ADAMTS17: variants seen among roughly 807,000 people sequenced by gnomAD.
ADAMTS17 encodes A disintegrin and metalloproteinase with thrombospondin motifs 17.
In ADAMTS17, 113 loss-of-function variants were observed where a neutral mutation model predicts 141.5. The ratio of observed to expected loss-of-function variants is 0.80; its 90% CI spans 0.69 to 0.93. The LOEUF (loss-of-function observed/expected upper bound fraction) is 0.93. Ranked by LOEUF, ADAMTS17 falls within the 40% of genes least tolerant of loss-of-function variation. ADAMTS17 has a pLI of 0.00. For missense variants in ADAMTS17, 1,659 were observed against 1,517.9 expected (o/e 1.09, Z -1.54); for synonymous variants, 768 against 630.6 (o/e 1.22, Z -3.27).
intron 10 of ADAMTS17, among the ~76,000 whole-genome samples, chr15:100,134,971 C>A (rs1190509062): frequency 6.6e-6 from 1 of 152,204 alleles, no homozygotes; most frequent in African/African-American, 2.4e-5. Flanking sequence ...TCCATGCACT[C>A]TGACCTGCGA....
At chr15:100,207,617 T>TCCTTGGTAGAGA in intron 7 of ADAMTS17, among the ~76,000 whole-genome samples, 1 of 152,318 alleles carries the variant, frequency 6.6e-6, no homozygotes, top group Non-Finnish European at 1.5e-5. Flanking sequence ...CAGGTTGAAC[T>TCCTTGGTAGAGA]AGTTACAAAA....
intron 11 of ADAMTS17, among the ~76,000 whole-genome samples, chr15:100,132,462 CTTTG>C (rs1252792151): frequency 2.6e-5 from 4 of 152,186 alleles, no homozygotes; most frequent in East Asian, 1.9e-4. Flanking sequence ...CTTCTGCAAA[CTTTG>C]TTTGACGTGA....
intron 15 of ADAMTS17, among the ~76,000 whole-genome samples, chr15:100,074,914 T>C (rs2219928): frequency 0.37 from 56,501 of 152,082 alleles, 13,028 homozygotes; most frequent in Non-Finnish European, 0.5. Context: ...TATTCTCTAT[T>C]ATTTTACATA....
At chr15:100,214,459 G>A (rs2041908260) in intron 7 of ADAMTS17, among the ~76,000 whole-genome samples, 1 of 152,086 alleles carries the variant, frequency 6.6e-6, no homozygotes, top group South Asian at 2.1e-4. Context: ...TCTTGCTGTA[G>A]TCCTTTGTAA....
rs545841342 is a variant in ADAMTS17, at chr15:99,995,666, G to A, written c.2796+1719C>T. Among the ~76,000 whole-genome samples, 382 of 152,294 alleles carry A rather than the reference G, an allele frequency of 2.5e-3. 2 individuals are homozygous for A. The highest frequency in any genetic ancestry group is 8.7e-3 in the African/African-American group (361 of 41,570). ...CAGCTGGTTGGATAAAAGCGACCAC[G>A]TCAATAAAAACTCTCCCTTAAGAAA... On this transcript the variant is annotated intron_variant, in intron 19 of 21. Transcript: ENST00000268070.
intron 7 of ADAMTS17, among the ~76,000 whole-genome samples, chr15:100,216,829 G>T (rs953760036): frequency 6.6e-6 from 1 of 152,182 alleles, no homozygotes; most frequent in Non-Finnish European, 1.5e-5. Context: ...TGAGATAGGT[G>T]AATTCATAAT....
chr15:100,238,668 T>C (rs1369205662), intron 7 of ADAMTS17, among the ~76,000 whole-genome samples: 2 of 152,214 alleles, frequency 1.3e-5, no homozygotes, highest in Non-Finnish European at 2.9e-5. Context: ...TGCTGTGAGA[T>C]AGTTTGATCC....
At position 99,993,228 on chromosome 15, in the gene ADAMTS17, C is replaced by A. The variant is rs200548352; in HGVS notation, c.2797-28G>T. On this transcript the variant is annotated intron_variant, in intron 19 of 21. Transcript: ENST00000268070. This position sits in a 1 kb window ranked among gnomAD's most constrained non-coding sequence, Gnocchi z 4.3. ...GCAAGACACCATTCAAATATTTAAC[C>A]GAGTTCCAATTCGATTCAAGTCCAT... 2 of 1,613,840 alleles carry A rather than the reference C, an allele frequency of 1.2e-6. No homozygotes were observed. The highest frequency in any genetic ancestry group is 1.7e-5 in the Admixed American group (1 of 60,010).
rs1373396093 is a variant in ADAMTS17, at chr15:100,187,810, C to T, written c.1181+11508G>A. ...AGGAAAAGCACAGTCGCTCACATCT[C>T]GGCTTCTGCCCCCAAACTGAAAATA... On this transcript the variant is annotated intron_variant, in intron 8 of 21. Transcript: ENST00000268070. 3.9e-5 allele frequency among the ~76,000 whole-genome samples: 6 copies of T among 152,276 alleles called. No homozygotes were observed. In the South Asian group the frequency reaches 1.2e-3, roughly 32 times the overall value.
rs544311782 is a variant in ADAMTS17 at position 100,182,555 on chromosome 15, T to G, written c.1181+16763A>C. Among the ~76,000 whole-genome samples the G allele has an allele frequency of 7.2e-5, 11 of 152,300 alleles. No individual in the cohort carries two copies. In the East Asian group the frequency reaches 1.7e-3, roughly 24 times the overall value. On this transcript the variant is annotated intron_variant, in intron 8 of 21. Transcript: ENST00000268070. ...GCTGTTGAAGGGTGGGGGAAGAGGT[T>G]GCACTGGCAATTCAAGACTGTCTTT...
intron 18 of ADAMTS17, among the ~76,000 whole-genome samples, chr15:100,044,799 T>C (rs980725290): frequency 7.0e-6 from 1 of 143,822 alleles, no homozygotes; most frequent in African/African-American, 2.8e-5. Flanking sequence ...ACTGGATATA[T>C]AATTTGGATT....
chr15:100,187,535 G>A (rs555591428), intron 8 of ADAMTS17, among the ~76,000 whole-genome samples: 55 of 152,284 alleles, frequency 3.6e-4, no homozygotes, highest in Non-Finnish European at 6.8e-4. Flanking sequence ...TCTGGTTCCT[G>A]GACTTTATGG....
At chr15:100,185,680 C>T (rs936736934) in intron 8 of ADAMTS17, among the ~76,000 whole-genome samples, 13 of 152,208 alleles carry the variant, frequency 8.5e-5, no homozygotes, top group Non-Finnish European at 1.3e-4. Flanking sequence ...GCTCTGCTGT[C>T]GGGGGCTGCG....
At position 100,071,933 on chromosome 15, in the gene ADAMTS17, G is replaced by C. The variant is rs931313617; in HGVS notation, c.2138-17879C>G. 1.6e-4 allele frequency among the ~76,000 whole-genome samples: 24 copies of C among 150,042 alleles called. 1 individual carries two copies. Among genetic ancestry groups the C allele is most frequent in the Admixed American group, 1.0e-3 (15 of 15,006 alleles). ...CAGTCAGGCAGGAGAAGGAAATAAA[G>C]GGTATTCAATTAGGAAAAGAGGAAG... On this transcript the variant is annotated intron_variant, in intron 15 of 21. Coordinates refer to ENST00000268070, the MANE Select transcript of ADAMTS17 (RefSeq NM_139057.4).
chr15:100,160,822 T>A (rs2039657019), intron 8 of ADAMTS17, among the ~76,000 whole-genome samples: 1 of 152,210 alleles, frequency 6.6e-6, no homozygotes, highest in Admixed American at 6.5e-5. Context: ...AAGCGGCTCA[T>A]CACTTTACAG....
At chr15:100,088,236 A>G (rs2035232763) in intron 15 of ADAMTS17, among the ~76,000 whole-genome samples, 1 of 152,238 alleles carries the variant, frequency 6.6e-6, no homozygotes, top group African/African-American at 2.4e-5. Context: ...ACTCCCATTC[A>G]CAATTGCTTC....
chr15:100,134,222 G>C (rs116797644), intron 10 of ADAMTS17, among the ~76,000 whole-genome samples: 15 of 152,148 alleles, frequency 9.9e-5, no homozygotes, highest in Non-Finnish European at 1.8e-4. Flanking sequence ...AGGGTCCTGG[G>C]GGGGATGGCC....
At chr15:100,100,152 G>A (rs1051794651) in intron 14 of ADAMTS17, among the ~76,000 whole-genome samples, 3 of 152,110 alleles carry the variant, frequency 2.0e-5, no homozygotes, top group Admixed American at 6.5e-5. Flanking sequence ...GGAGGGAGAC[G>A]CCAGTGCGGA....
At chr15:100,265,773 G>A (rs887346354) in intron 4 of ADAMTS17, among the ~76,000 whole-genome samples, 1 of 152,226 alleles carries the variant, frequency 6.6e-6, no homozygotes, top group Non-Finnish European at 1.5e-5. Context: ...CCAAACAGGA[G>A]AAAGCTATGC....
Sources: gnomAD v4.1 joint callset for allele counts (sites outside exome capture counted in the v4.1 genomes callset) on GRCh38, gnomAD v4.1.1 for gene constraint, Gnocchi (gnomAD v3.1) non-coding constraint, MANE v1.5 for transcripts, NCBI Gene and HGNC (gene_info 2026-07-23, HGNC 2026-07-21) for gene names.